PLA2G5: variants seen among roughly 807,000 people sequenced by gnomAD.
The protein encoded by PLA2G5 is Ca2+-dependent phospholipase A2.
Under a neutral mutation model 15.9 loss-of-function variants are expected in PLA2G5, and 12 were observed. The observed-to-expected ratio is 0.76, with a 90% CI of 0.48 to 1.23. The LOEUF (loss-of-function observed/expected upper bound fraction) is 1.23, where lower values mean the gene tolerates loss of function less well. PLA2G5 is among the 50% of genes most tolerant of loss of function. The pLI is 0.00. For synonymous variants in PLA2G5, 71 were observed against 71.4 expected (o/e 0.99, Z 0.03); for missense variants, 169 against 177.1 (o/e 0.95, Z 0.26).
At chr1:20,043,161 C>G (rs2013712063) in intron 1 of PLA2G5, among the ~76,000 whole-genome samples, 1 of 152,022 alleles carries the variant, frequency 6.6e-6, no homozygotes. Context: ...ATGGAAAAAG[C>G]ACCTTTAAGA....
chr1:20,072,257 G>C (rs887297227), intron 1 of PLA2G5, among the ~76,000 whole-genome samples: 1 of 151,956 alleles, frequency 6.6e-6, no homozygotes, highest in South Asian at 2.1e-4. Flanking sequence ...TTACTTATTC[G>C]CTTGTCTATT....
chr1:20,047,955 G>T (rs1340818800), intron 1 of PLA2G5, among the ~76,000 whole-genome samples: 1 of 151,906 alleles, frequency 6.6e-6, no homozygotes, highest in Non-Finnish European at 1.5e-5. Flanking sequence ...AACTGCCTAG[G>T]GTTACCAATA....
At chr1:20,030,939 A>G (rs1206654284) in intron 1 of PLA2G5, among the ~76,000 whole-genome samples, 1 of 152,212 alleles carries the variant, frequency 6.6e-6, no homozygotes, top group Non-Finnish European at 1.5e-5. Flanking sequence ...TTCTTAGTAG[A>G]AAACAAAATG....
chr1:20,062,097 CT>C (rs1379836881), intron 2 of PLA2G5, among the ~76,000 whole-genome samples: 2 of 152,226 alleles, frequency 1.3e-5, no homozygotes, highest in Admixed American at 1.3e-4. Context: ...TATGACTAAG[CT>C]TCCTGAGGCC....
chr1:20,082,901 C>A (rs676969), intron 1 of PLA2G5, among the ~76,000 whole-genome samples: 126,625 of 151,874 alleles, frequency 0.83, 53,065 homozygotes, highest in East Asian at 0.92. Flanking sequence ...CCCTTGGGGA[C>A]CTCACTTCAA....
In PLA2G5 at chr1:20,061,586, CAAA is replaced by C. The variant is rs35346493; in HGVS notation, n.337+1916_337+1918del. On this transcript the variant is annotated intron_variant and non_coding_transcript_variant, in intron 2 of 6. Transcript: ENST00000460175. ...GGGCAACAGAGTAAGACCCTGTCTC[CAAA>C]AAAAAAAAAAAAAAAAAAAAATCTA... Among the ~76,000 whole-genome samples, 239 of 67,718 alleles carry C rather than the reference CAAA, an allele frequency of 3.5e-3. 2 individuals carry two copies. Among genetic ancestry groups the C allele is most frequent in the African/African-American group, 0.013 (230 of 17,370 alleles). 44.4% of individuals were successfully genotyped at this position (67,718 alleles called of 152,430 possible).
chr1:20,047,160 A>C (rs2013946825), intron 1 of PLA2G5, among the ~76,000 whole-genome samples: 1 of 152,168 alleles, frequency 6.6e-6, no homozygotes, highest in Non-Finnish European at 1.5e-5. Flanking sequence ...CTCATCCAGG[A>C]AACTCATATA....
chr1:20,087,664 T>G (rs148650213), intron 3 of PLA2G5, among the ~76,000 whole-genome samples: 1 of 152,076 alleles, frequency 6.6e-6, no homozygotes, highest in African/African-American at 2.4e-5. Context: ...CATTCTTCAA[T>G]AGAAGGCCCC....
chr1:20,058,090 G>C (rs2014526870), intron 1 of PLA2G5, among the ~76,000 whole-genome samples: 1 of 152,166 alleles, frequency 6.6e-6, no homozygotes, highest in Non-Finnish European at 1.5e-5. Context: ...TGAGAAGAAT[G>C]TGTATTCTAC....
At chr1:20,073,027 T>C (rs1481607662) in intron 1 of PLA2G5, among the ~76,000 whole-genome samples, 1 of 152,132 alleles carries the variant, frequency 6.6e-6, no homozygotes, top group Non-Finnish European at 1.5e-5. Context: ...GGAGCGGCCT[T>C]GAATTGTAGA....
chr1:20,039,761 T>C (rs1309359574), intron 1 of PLA2G5, among the ~76,000 whole-genome samples: 4 of 152,208 alleles, frequency 2.6e-5, no homozygotes, highest in Admixed American at 2.0e-4. Context: ...TATTCCATTC[T>C]GTACAGTTTT....
At chr1:20,058,172 T>C (rs2014531957) in intron 1 of PLA2G5, among the ~76,000 whole-genome samples, 1 of 152,226 alleles carries the variant, frequency 6.6e-6, no homozygotes, top group Non-Finnish European at 1.5e-5. Flanking sequence ...AGTTCAACTA[T>C]GTCCTTACTG....
intron 1 of PLA2G5, among the ~76,000 whole-genome samples, chr1:20,052,733 A>C (rs1184036800): frequency 6.6e-6 from 1 of 152,222 alleles, no homozygotes; most frequent in Non-Finnish European, 1.5e-5. Context: ...ATGTGAAAGG[A>C]AAGTAAATCT....
chr1:20,064,043 C>T (rs1053314638), intron 2 of PLA2G5, among the ~76,000 whole-genome samples: 5 of 152,180 alleles, frequency 3.3e-5, no homozygotes, highest in African/African-American at 1.2e-4. Context: ...CTTAGTGGCC[C>T]TTTGACTGCC....
chr1:20,089,917 C>T (rs369882590), intron 4 of PLA2G5, 22 bp downstream of exon 4: 17 of 1,561,720 alleles, frequency 1.1e-5, no homozygotes, highest in Middle Eastern at 1.7e-4. Flanking sequence ...GCTTCCCGTT[C>T]GGGCCATTGG....
chr1:20,089,279 A>G (rs1326629592), intron 3 of PLA2G5, among the ~76,000 whole-genome samples: 1 of 151,452 alleles, frequency 6.6e-6, no homozygotes, highest in Non-Finnish European at 1.5e-5. Flanking sequence ...GTTGATCCAC[A>G]GATGTGGGAC....
At chr1:20,060,416 G>A (rs981796378) in intron 2 of PLA2G5, among the ~76,000 whole-genome samples, 5 of 151,648 alleles carry the variant, frequency 3.3e-5, no homozygotes, top group Non-Finnish European at 7.4e-5. Context: ...ACCACGCTAG[G>A]CTATTTTTGT....
At chr1:20,059,389 C>T (rs2014591076) in intron 1 of PLA2G5, among the ~76,000 whole-genome samples, 1 of 151,800 alleles carries the variant, frequency 6.6e-6, no homozygotes, top group African/African-American at 2.4e-5. Flanking sequence ...GATTGCCTCA[C>T]TCCAGCCTGG....
At chr1:20,083,496 G>A (rs995451734) in intron 1 of PLA2G5, among the ~76,000 whole-genome samples, 2 of 151,876 alleles carry the variant, frequency 1.3e-5, no homozygotes, top group South Asian at 2.1e-4. Flanking sequence ...GACAAACAAG[G>A]ACTTTGGATC....
Sources: gnomAD v4.1 joint callset for allele counts (sites outside exome capture counted in the v4.1 genomes callset) on GRCh38, gnomAD v4.1.1 for gene constraint, MANE v1.5 for transcripts, NCBI Gene and HGNC (gene_info 2026-07-23, HGNC 2026-07-21) for gene names.